Variants in GSK3B observed in about 807,000 individuals in gnomAD.
GSK3B encodes the protein glycogen synthase kinase 3 beta, also known as glycogen synthase kinase-3 beta.
Under a neutral mutation model 56.4 loss-of-function variants are expected in GSK3B, and 15 were observed. The ratio of observed to expected loss-of-function variants is 0.27; its 90% confidence interval spans 0.18 to 0.41. The LOEUF (loss-of-function observed/expected upper bound fraction) is 0.41. Ranked by LOEUF, GSK3B falls within the 10% of genes least tolerant of loss-of-function variation. GSK3B has a pLI of 1.00. For missense variants in GSK3B, 300 were observed against 513.4 expected (o/e 0.58, Z 4.02); for synonymous variants, 181 against 188.9 (o/e 0.96, Z 0.34).
chr3:120,066,290 T>C (rs78453198), intron 1 of GSK3B, among the ~76,000 whole-genome samples: 3,939 of 152,136 alleles, frequency 0.026, 174 homozygotes, highest in African/African-American at 0.089. Flanking sequence ...TGGTTCTAGA[T>C]ATCTAAGACA....
chr3:120,067,749 T>C (rs1384939319), intron 1 of GSK3B, among the ~76,000 whole-genome samples: 2 of 152,202 alleles, frequency 1.3e-5, no homozygotes, highest in African/African-American at 4.8e-5. Flanking sequence ...AGCAAAACCT[T>C]GAATGTGGGA....
At chr3:119,943,461 A>G (rs529899011) in intron 3 of GSK3B, among the ~76,000 whole-genome samples, 151 of 152,328 alleles carry the variant, frequency 9.9e-4, no homozygotes, top group Non-Finnish European at 1.6e-3. Context: ...TTATGCATAT[A>G]CCTATATAAA....
At chr3:120,043,074 C>A (rs999260894) in intron 1 of GSK3B, among the ~76,000 whole-genome samples, 1 of 152,198 alleles carries the variant, frequency 6.6e-6, no homozygotes, top group African/African-American at 2.4e-5. Context: ...TCTCTTAGCA[C>A]AGGCGCTAAC....
At chr3:119,867,968 G>C (rs982446873) in intron 8 of GSK3B, among the ~76,000 whole-genome samples, 1 of 151,454 alleles carries the variant, frequency 6.6e-6, no homozygotes, top group Non-Finnish European at 1.5e-5. Flanking sequence ...GACTCAACTG[G>C]GCCAACTAAC....
At chr3:119,973,162 C>T (rs1239861319) in intron 2 of GSK3B, among the ~76,000 whole-genome samples, 5 of 151,042 alleles carry the variant, frequency 3.3e-5, no homozygotes, top group South Asian at 4.1e-4. Context: ...AGCATTATTA[C>T]TACTACTACT....
chr3:120,014,951 T>A (rs573507513), intron 1 of GSK3B, among the ~76,000 whole-genome samples: 92 of 152,234 alleles, frequency 6.0e-4, no homozygotes, highest in African/African-American at 2.0e-3. Flanking sequence ...TTAACAGATA[T>A]CAATTCTGAA....
At chr3:120,014,550 A>G (rs537155584) in intron 1 of GSK3B, among the ~76,000 whole-genome samples, 132 of 152,316 alleles carry the variant, frequency 8.7e-4, no homozygotes, top group African/African-American at 3.1e-3. Context: ...AGGAAATATC[A>G]ACCAAGCAGT....
chr3:119,917,098 T>C (rs935202065), intron 4 of GSK3B, among the ~76,000 whole-genome samples: 1 of 151,972 alleles, frequency 6.6e-6, no homozygotes. Flanking sequence ...ATTTTTGAAA[T>C]GAGTCAAACC....
At chr3:119,880,460 T>G (rs1447448536) in intron 7 of GSK3B, among the ~76,000 whole-genome samples, 1 of 152,200 alleles carries the variant, frequency 6.6e-6, no homozygotes, top group Non-Finnish European at 1.5e-5. Context: ...TTTATCTTGA[T>G]GTGGTCCCTA....
chr3:119,990,981 C>A (rs1296543252), intron 2 of GSK3B, among the ~76,000 whole-genome samples: 1 of 152,132 alleles, frequency 6.6e-6, no homozygotes, highest in East Asian at 1.9e-4. Flanking sequence ...TCTCCATTCA[C>A]AACCTAACAA....
chr3:120,054,463 T>G (rs1190291926), intron 1 of GSK3B, among the ~76,000 whole-genome samples: 2 of 152,196 alleles, frequency 1.3e-5, no homozygotes, highest in Non-Finnish European at 1.5e-5. Context: ...TAAACACTTT[T>G]CAGATTTTAT....
intron 2 of GSK3B, among the ~76,000 whole-genome samples, chr3:120,000,820 G>GC (rs2057668396): frequency 1.2e-5 from 1 of 83,332 alleles, no homozygotes; most frequent in African/African-American, 5.4e-5. Flanking sequence ...AGGGAAGATA[G>GC]CAAAAAAAAA....
At chr3:120,025,389 A>G (rs753178885) in intron 1 of GSK3B, among the ~76,000 whole-genome samples, 3 of 152,198 alleles carry the variant, frequency 2.0e-5, no homozygotes, top group Non-Finnish European at 4.4e-5. Flanking sequence ...AATAAACTAG[A>G]AACAGCAAAG....
At chr3:119,838,028 C>T (rs1206559661) in intron 10 of GSK3B, among the ~76,000 whole-genome samples, 1 of 150,294 alleles carries the variant, frequency 6.7e-6, no homozygotes, top group East Asian at 1.9e-4. Context: ...TGGCTCACAC[C>T]TGTAATCCCA....
chr3:120,004,520 C>A (rs939708766), intron 1 of GSK3B, among the ~76,000 whole-genome samples: 4 of 152,124 alleles, frequency 2.6e-5, no homozygotes, highest in Non-Finnish European at 5.9e-5. Flanking sequence ...CAGTAATGGC[C>A]AACAGACACC....
intron 7 of GSK3B, among the ~76,000 whole-genome samples, chr3:119,881,533 T>A (rs1370679570): frequency 1.3e-5 from 2 of 152,224 alleles, no homozygotes; most frequent in Non-Finnish European, 2.9e-5. Flanking sequence ...CACTCTTGAA[T>A]CAGTATTTGT....
chr3:119,962,435 A>C (rs979319324), intron 2 of GSK3B, among the ~76,000 whole-genome samples: 1 of 151,952 alleles, frequency 6.6e-6, no homozygotes, highest in Admixed American at 6.6e-5. Context: ...CACATCATAC[A>C]CAACAGTGAA....
chr3:119,893,284 C>G (rs547750063), intron 7 of GSK3B, among the ~76,000 whole-genome samples: 1 of 152,202 alleles, frequency 6.6e-6, no homozygotes, highest in South Asian at 2.1e-4. Context: ...ACTGCATGAA[C>G]CACCGCACCC....
At chr3:119,856,675 C>T (rs1387303797) in intron 9 of GSK3B, among the ~76,000 whole-genome samples, 1 of 152,008 alleles carries the variant, frequency 6.6e-6, no homozygotes, top group Non-Finnish European at 1.5e-5. Context: ...CATTTCATTG[C>T]CCAGAAGAGT....
Sources: gnomAD v4.1 joint callset for allele counts (sites outside exome capture counted in the v4.1 genomes callset) on GRCh38, gnomAD v4.1.1 for gene constraint, MANE v1.5 for transcripts, NCBI Gene and HGNC (gene_info 2026-07-23, HGNC 2026-07-21) for gene names.